Variants in MSRA observed in about 807,000 individuals in gnomAD.
MSRA encodes methionine sulfoxide reductase A.
MSRA carries 54 observed loss-of-function variants against 31.3 expected under a neutral mutation model. That is an observed-to-expected ratio of 1.73 (90% CI 1.39 to 2.17). The LOEUF (loss-of-function observed/expected upper bound fraction) is 2.17. MSRA is among the 30% of genes most tolerant of loss of function. The pLI is 0.00. For missense variants in MSRA, 507 were observed against 300.9 expected (o/e 1.69, Z -5.07); for synonymous variants, 169 against 116.5 (o/e 1.45, Z -2.90).
intron 4 of MSRA, among the ~76,000 whole-genome samples, chr8:10,312,644 C>G (rs939223404): frequency 6.6e-6 from 1 of 152,106 alleles, no homozygotes; most frequent in Non-Finnish European, 1.5e-5. Flanking sequence ...TTGCAGAAAT[C>G]CTACGCAAAC....
chr8:10,378,104 G>C (rs1805855035), intron 5 of MSRA, among the ~76,000 whole-genome samples: 1 of 152,252 alleles, frequency 6.6e-6, no homozygotes, highest in Non-Finnish European at 1.5e-5. Context: ...ACTCCTGAGG[G>C]CACAGGGCGG....
chr8:10,382,220 T>C (rs1275818451), intron 5 of MSRA, among the ~76,000 whole-genome samples: 3 of 152,166 alleles, frequency 2.0e-5, no homozygotes, highest in Non-Finnish European at 2.9e-5. Flanking sequence ...GCTTCCCTCT[T>C]ATGGCTGCTC....
intron 3 of MSRA, among the ~76,000 whole-genome samples, chr8:10,281,902 C>T (rs1195672366): frequency 6.6e-6 from 1 of 152,060 alleles, no homozygotes. Context: ...TATTTTTTTC[C>T]CTGCTTTTTA....
chr8:10,271,062 C>G (rs752219370), intron 3 of MSRA, among the ~76,000 whole-genome samples: 1 of 128,584 alleles, frequency 7.8e-6, no homozygotes, highest in Non-Finnish European at 1.7e-5. Flanking sequence ...TGAGTTCTTT[C>G]TTCTTTTTTT....
chr8:10,259,831 C>T (rs1027237928), intron 3 of MSRA, among the ~76,000 whole-genome samples: 1 of 152,210 alleles, frequency 6.6e-6, no homozygotes, highest in Non-Finnish European at 1.5e-5. Flanking sequence ...CTCCTCTCGG[C>T]TTCTTCCATG....
chr8:10,308,443 C>A (rs188693766), intron 4 of MSRA, among the ~76,000 whole-genome samples: 6 of 152,328 alleles, frequency 3.9e-5, no homozygotes, highest in Admixed American at 3.9e-4. Context: ...CCACGTAGGT[C>A]CTCCAGTAGT....
intron 5 of MSRA, among the ~76,000 whole-genome samples, chr8:10,427,419 TG>T (rs552751667): frequency 1.2e-3 from 183 of 152,306 alleles, no homozygotes; most frequent in African/African-American, 4.0e-3. Context: ...TGGCAGCAGA[TG>T]TCACCGGGAC....
At chr8:10,219,488 A>G (rs1309665409) in intron 2 of MSRA, among the ~76,000 whole-genome samples, 2 of 152,132 alleles carry the variant, frequency 1.3e-5, no homozygotes, top group African/African-American at 4.8e-5. Context: ...GTGTATGAAT[A>G]AGGTAAATAA....
chr8:10,068,564 G>A (rs973199609), intron 1 of MSRA, among the ~76,000 whole-genome samples: 3 of 152,186 alleles, frequency 2.0e-5, no homozygotes, highest in South Asian at 2.1e-4. Flanking sequence ...TGAAATGACT[G>A]TCTTTTCTCC....
chr8:10,188,593 C>T (rs532733491), intron 1 of MSRA, among the ~76,000 whole-genome samples: 5 of 152,314 alleles, frequency 3.3e-5, no homozygotes, highest in East Asian at 3.9e-4. Flanking sequence ...TAAGGTTTGA[C>T]GTAAGAGTTG....
chr8:10,195,856 G>C (rs938164222), intron 1 of MSRA, among the ~76,000 whole-genome samples: 5 of 152,178 alleles, frequency 3.3e-5, no homozygotes, highest in African/African-American at 1.2e-4. Flanking sequence ...GCCAGAATTC[G>C]TTTTCACGAA....
intron 5 of MSRA, among the ~76,000 whole-genome samples, chr8:10,354,750 G>GTGTGTA (rs371336632): frequency 5.6e-4 from 77 of 138,398 alleles, no homozygotes; most frequent in South Asian, 1.4e-3. Context: ...GTGTGTGTGT[G>GTGTGTA]TATATATATA....
chr8:10,224,495 G>GAA (rs5889325), intron 2 of MSRA, among the ~76,000 whole-genome samples: 10 of 150,946 alleles, frequency 6.6e-5, no homozygotes, highest in South Asian at 2.1e-4. Flanking sequence ...ATTACCAGAA[G>GAA]AAAAAAAAAG....
intron 5 of MSRA, chr8:10,337,444 G>T (rs1361874723): frequency 1.8e-5 from 7 of 395,892 alleles, no homozygotes; most frequent in African/African-American, 8.3e-5. Context: ...CTCCCAAAGT[G>T]CTGGGATTAC....
chr8:10,298,789 G>A (rs910303905), intron 3 of MSRA, among the ~76,000 whole-genome samples: 1 of 152,076 alleles, frequency 6.6e-6, no homozygotes, highest in Admixed American at 6.5e-5. Flanking sequence ...TACCACGTTT[G>A]TTTCCCTTTG....
At chr8:10,197,179 C>A in intron 1 of MSRA, among the ~76,000 whole-genome samples, 1 of 152,034 alleles carries the variant, frequency 6.6e-6, no homozygotes, top group East Asian at 1.9e-4. Flanking sequence ...TTAGGAATTA[C>A]TTGTGTTAAT....
intron 3 of MSRA, among the ~76,000 whole-genome samples, chr8:10,267,587 G>A (rs1333585105): frequency 6.6e-6 from 1 of 152,118 alleles, no homozygotes; most frequent in Non-Finnish European, 1.5e-5. Context: ...CTAGTATTTA[G>A]CCTTCCATTG....
intron 2 of MSRA, among the ~76,000 whole-genome samples, chr8:10,240,948 G>T (rs1455008598): frequency 6.6e-6 from 1 of 152,128 alleles, no homozygotes; most frequent in African/African-American, 2.4e-5. Flanking sequence ...CCTGGTGGGT[G>T]CTGGGGGAGT....
chr8:10,305,674 A>G (rs1365453890), intron 4 of MSRA, among the ~76,000 whole-genome samples: 4 of 152,140 alleles, frequency 2.6e-5, no homozygotes, highest in Non-Finnish European at 5.9e-5. Context: ...GGCCTCCCCA[A>G]GTGCTGGGAT....
Sources: allele counts gnomAD v4.1 joint callset (sites outside exome capture counted in the v4.1 genomes callset), GRCh38; gene constraint gnomAD v4.1.1; transcripts MANE v1.5; gene names NCBI Gene and HGNC (gene_info 2026-07-23, HGNC 2026-07-21).